Variants in SH3BGR observed in about 807,000 individuals in gnomAD.
SH3BGR encodes the protein SH3 domain binding glutamate rich protein, also known as SH3 domain-binding glutamic acid-rich protein.
In SH3BGR, 29 loss-of-function variants were observed where a neutral mutation model predicts 24.5. That is an observed-to-expected ratio of 1.18 (90% CI 0.88 to 1.61). The LOEUF is 1.61. SH3BGR is among the 40% of genes most tolerant of loss of function. SH3BGR has a pLI of 0.00. For missense variants in SH3BGR, 162 were observed against 205.8 expected, an observed-to-expected ratio of 0.79 and a Z score of 1.30; for synonymous variants, 55 against 65.7, an observed-to-expected ratio of 0.84 and a Z score of 0.79.
At chr21:39,508,793 T>A (rs2078625994) in intron 4 of SH3BGR, among the ~76,000 whole-genome samples, 1 of 152,198 alleles carries the variant, frequency 6.6e-6, no homozygotes, top group South Asian at 2.1e-4. Flanking sequence ...CTCACAGTTA[T>A]TTTAAGAGCT....
chr21:39,451,824 C>A, upstream of SH3BGR: 1 of 1,444,894 alleles, frequency 6.9e-7, no homozygotes, highest in Non-Finnish European at 9.5e-7. Flanking sequence ...GGGAAAGGGT[C>A]CAGTGGCTGC....
intron 3 of SH3BGR, among the ~76,000 whole-genome samples, chr21:39,477,529 G>A (rs987399046): frequency 2.0e-5 from 3 of 152,136 alleles, no homozygotes; most frequent in Non-Finnish European, 2.9e-5. Flanking sequence ...CCATGAAATA[G>A]TATTCTTTAT....
chr21:39,463,460 G>A (rs556107220), intron 2 of SH3BGR, among the ~76,000 whole-genome samples: 3 of 152,320 alleles, frequency 2.0e-5, no homozygotes, highest in South Asian at 2.1e-4. Context: ...GGTCATCTAA[G>A]CCATCTAGGG....
In SH3BGR at chr21:39,456,786, A is replaced by G. The variant is rs143719162; in HGVS notation, c.45+4645A>G. On this transcript the variant is annotated intron_variant, in intron 1 of 6. Coordinates refer to ENST00000333634, the MANE Select transcript of SH3BGR (RefSeq NM_007341.3). Reference sequence around the variant, plus strand: ...TCATTCCACACCTTTCTGTCTATCTATATTTATTTGTCCGTGCTTGCCCCA... The same window carrying G: ...TCATTCCACACCTTTCTGTCTATCTGTATTTATTTGTCCGTGCTTGCCCCA... Among the ~76,000 whole-genome samples the G allele has an allele frequency of 2.4e-3, 367 of 152,182 alleles. 2 individuals carry two copies. The highest frequency in any genetic ancestry group is 8.6e-3 in the African/African-American group (355 of 41,518).
At chr21:39,500,535 G>T (rs1299453239) in intron 4 of SH3BGR, among the ~76,000 whole-genome samples, 1 of 152,044 alleles carries the variant, frequency 6.6e-6, no homozygotes. Context: ...CATAATAGGG[G>T]ATGGGATGGG....
Position 39,462,493 on chromosome 21 carries a change from G to T in SH3BGR, c.164G>T (p.Gly55Val). Reference protein sequence around the residue: ...NRRWMRENVPGEKKPQNGIPL... With the variant: ...NRRWMRENVPVEKKPQNGIPL... Reference sequence around the variant, plus strand: ...AGGTGGATGAGAGAGAATGTTCCTGGAGAGAAAAAACCTCAAAATGGGATT... The same window carrying T: ...AGGTGGATGAGAGAGAATGTTCCTGTAGAGAAAAAACCTCAAAATGGGATT... Residue 55 changes from glycine to valine, a missense_variant, in exon 2 of 7, where the codon GGA (glycine) becomes GTA (valine). Coordinates refer to ENST00000333634, the MANE Select transcript of SH3BGR (RefSeq NM_007341.3). The T allele has an allele frequency of 4.3e-6, 7 of 1,609,636 alleles. No individual in the cohort carries two copies. The highest frequency in any genetic ancestry group is 4.2e-6 in the Non-Finnish European group (5 of 1,179,090).
chr21:39,497,566 A>T (rs2078419625), intron 3 of SH3BGR, among the ~76,000 whole-genome samples: 1 of 152,088 alleles, frequency 6.6e-6, no homozygotes, highest in African/African-American at 2.4e-5. Context: ...TAATATAGAA[A>T]GATACTCTAA....
At position 39,511,784 on chromosome 21, in the gene SH3BGR, A is replaced by G. The variant is rs771397004; in HGVS notation, c.*9A>G. 1.2e-5 allele frequency: 19 copies of G among 1,609,500 alleles called. No homozygotes were observed. The highest frequency in any genetic ancestry group is 1.4e-5 in the Non-Finnish European group (16 of 1,178,776). ...AAGACGAAGATTCCTAGGCCTTTTC[A>G]TGCTTCATTTCTTCCACTTCTCCAG... On this transcript the variant is annotated 3_prime_UTR_variant, in exon 6 of 7. Transcript: ENST00000333634. This position sits in a 1 kb window ranked among gnomAD's most constrained non-coding sequence, Gnocchi z 4.2.
chr21:39,452,716 C>T (rs145675643), intron 1 of SH3BGR, among the ~76,000 whole-genome samples: 248 of 152,306 alleles, frequency 1.6e-3, no homozygotes, highest in African/African-American at 5.7e-3. Context: ...GGCATTCAGA[C>T]GGCCCCAAAA....
intron 1 of SH3BGR, among the ~76,000 whole-genome samples, chr21:39,458,034 G>A (rs766360188): frequency 4.6e-4 from 70 of 152,184 alleles, no homozygotes; most frequent in Non-Finnish European, 8.8e-4. Context: ...GAATAAAATA[G>A]ATATTTTGGT....
chr21:39,511,602 A>C lies in SH3BGR; in HGVS notation c.436-78A>C. The C allele has an allele frequency of 1.4e-6, 2 of 1,473,328 alleles. No individual in the cohort carries two copies. The highest frequency in any genetic ancestry group is 1.9e-6 in the Non-Finnish European group (2 of 1,080,938). 91.3% of individuals were successfully genotyped at this position (1,473,328 alleles called of 1,614,324 possible). ...TGTGGGAGGCTTTGACCTCTAGTCCAGCATTTTACAGTCTTTTTCTCACTG... is the reference window on the plus strand; with the variant it reads ...TGTGGGAGGCTTTGACCTCTAGTCCCGCATTTTACAGTCTTTTTCTCACTG... On this transcript the variant is annotated intron_variant, in intron 5 of 6. Transcript: ENST00000333634. This position sits in a 1 kb window ranked among gnomAD's most constrained non-coding sequence, Gnocchi z 4.2.
intron 6 of SH3BGR, among the ~76,000 whole-genome samples, chr21:39,512,997 C>T (rs116315105): frequency 0.016 from 2,503 of 152,100 alleles, 78 homozygotes; most frequent in African/African-American, 0.056. Context: ...GAGCTATAAG[C>T]GTTTTTTAAA....
At chr21:39,458,242 A>C (rs2077696294) in intron 1 of SH3BGR, among the ~76,000 whole-genome samples, 1 of 152,160 alleles carries the variant, frequency 6.6e-6, no homozygotes, top group Non-Finnish European at 1.5e-5. Context: ...TTTTTATATG[A>C]GATGGTATTC....
chr21:39,512,858 T>C (rs2078721067), intron 6 of SH3BGR, among the ~76,000 whole-genome samples: 2 of 152,144 alleles, frequency 1.3e-5, no homozygotes, highest in Non-Finnish European at 2.9e-5. Context: ...TATAAAAATA[T>C]CTGTTTTTTC....
intron 1 of SH3BGR, chr21:39,446,945 A>G (rs1432694651): frequency 4.6e-5 from 7 of 151,960 alleles, no homozygotes; most frequent in Non-Finnish European, 7.4e-5. Flanking sequence ...TTTTTTTCAA[A>G]TTGACTTTAA....
At chr21:39,486,803 G>C (rs935912312) in intron 3 of SH3BGR, among the ~76,000 whole-genome samples, 1 of 151,706 alleles carries the variant, frequency 6.6e-6, no homozygotes, top group Non-Finnish European at 1.5e-5. Context: ...TGCAACTTCC[G>C]CCTCCCAAGT....
chr21:39,453,667 A>G (rs895668922), intron 1 of SH3BGR, among the ~76,000 whole-genome samples: 1 of 152,184 alleles, frequency 6.6e-6, no homozygotes, highest in Non-Finnish European at 1.5e-5. Context: ...TGGAAAAGCC[A>G]TTAGTTTTGG....
chr21:39,463,231 AG>A (rs2077784558), intron 2 of SH3BGR, among the ~76,000 whole-genome samples: 1 of 152,206 alleles, frequency 6.6e-6, no homozygotes, highest in Non-Finnish European at 1.5e-5. Flanking sequence ...GTCTTACTAT[AG>A]ATACAAGATA....
intron 2 of SH3BGR, among the ~76,000 whole-genome samples, chr21:39,473,691 C>T (rs192301317): frequency 1.3e-5 from 2 of 151,960 alleles, no homozygotes; most frequent in East Asian, 2.0e-4. Flanking sequence ...TTGAGACCAG[C>T]CTGGCCAACA....
Sources: gnomAD v4.1 joint callset for allele counts (sites outside exome capture counted in the v4.1 genomes callset) on GRCh38, gnomAD v4.1.1 for gene constraint, Gnocchi (gnomAD v3.1) non-coding constraint, MANE v1.5 for transcripts, NCBI Gene and HGNC (gene_info 2026-07-23, HGNC 2026-07-21) for gene names.